The following TMEM40 variants were observed in gnomAD, a reference collection of about 807,000 sequenced individuals.
TMEM40 encodes the protein transmembrane protein 40.
In TMEM40, 34 loss-of-function variants were observed where a neutral mutation model predicts 40.8. The ratio of observed to expected loss-of-function variants is 0.83; its 90% confidence interval spans 0.63 to 1.11. The LOEUF (loss-of-function observed/expected upper bound fraction) is 1.11, where lower values mean the gene tolerates loss of function less well. Ranked by LOEUF, TMEM40 falls within the 50% of genes least tolerant of loss-of-function variation. The pLI is 0.00. For synonymous variants in TMEM40, 106 were observed against 107.0 expected (o/e 0.99, Z 0.06); for missense variants, 296 against 280.2 (o/e 1.06, Z -0.40).
chr3:12,743,452 A>C (rs1257065366), intron 4 of TMEM40, among the ~76,000 whole-genome samples: 2 of 152,196 alleles, frequency 1.3e-5, no homozygotes, highest in Non-Finnish European at 2.9e-5. Flanking sequence ...GGGCAACAAG[A>C]GCGAAACCCT....
upstream of TMEM40, among the ~76,000 whole-genome samples, chr3:12,763,357 G>A (rs1055863676): frequency 7.9e-5 from 12 of 152,054 alleles, no homozygotes; most frequent in African/African-American, 1.9e-4. Context: ...ACCTCAGGGC[G>A]TTTCCTACCT....
intron 4 of TMEM40, among the ~76,000 whole-genome samples, chr3:12,743,372 C>T (rs2061397997): frequency 6.6e-6 from 1 of 152,024 alleles, no homozygotes; most frequent in Non-Finnish European, 1.5e-5. Flanking sequence ...GAGGCTGAAG[C>T]GGGAGAATCA....
At chr3:12,748,556 G>A in intron 3 of TMEM40, 99 bp downstream of exon 3, 1 of 1,476,558 alleles carries the variant, frequency 6.8e-7, no homozygotes, top group African/African-American at 1.4e-5. Flanking sequence ...AAACGGTATT[G>A]GAGTTTCAAG....
chr3:12,737,161 T>TG (rs1221415012), intron 8 of TMEM40, among the ~76,000 whole-genome samples: 1 of 151,428 alleles, frequency 6.6e-6, no homozygotes, highest in Non-Finnish European at 1.5e-5. Context: ...ATTACAGCTG[T>TG]GAGCCACCAT....
Position 12,749,904 on chromosome 3 carries a change from C to T in TMEM40, c.-8-64G>A, listed in dbSNP as rs556474623. ...AGTTAATATCTTAATATACAAAGAG[C>T]TTGGCAAATAAATAAGAAAAAGACA... On this transcript the variant is annotated intron_variant, in intron 1 of 11. Transcript: ENST00000314124. The T allele has an allele frequency of 2.1e-6, 3 of 1,416,720 alleles. No individual in the cohort carries two copies. In the African/African-American group the frequency reaches 4.3e-5, roughly 20 times the overall value. 87.8% of individuals were successfully genotyped at this position (1,416,720 alleles called of 1,614,324 possible).
chr3:12,747,754 A>AC (rs970605257), intron 3 of TMEM40, among the ~76,000 whole-genome samples: 6 of 151,930 alleles, frequency 3.9e-5, no homozygotes, highest in Admixed American at 6.6e-5. Context: ...TACTAAAAAT[A>AC]CAAAAATTTG....
At chr3:12,757,408 G>C (rs1239081719) in intron 1 of TMEM40, among the ~76,000 whole-genome samples, 2 of 151,228 alleles carry the variant, frequency 1.3e-5, no homozygotes, top group African/African-American at 4.9e-5. Context: ...GGCAGAGGTT[G>C]TGGTGAGCTG....
At chr3:12,737,866 G>T in intron 7 of TMEM40, 112 bp from the exon 8 acceptor site, 1 of 1,163,886 alleles carries the variant, frequency 8.6e-7, no homozygotes, top group Non-Finnish European at 1.3e-6. Context: ...TCCTGGGTCA[G>T]AGGGCACTCA....
chr3:12,734,855 C>T, intron 11 of TMEM40, 62 bp from the exon 12 acceptor site: 1 of 1,560,532 alleles, frequency 6.4e-7, no homozygotes, highest in Non-Finnish European at 8.7e-7. Flanking sequence ...TCATCCCCAC[C>T]ATCACCTCAG....
At chr3:12,742,302 C>T (rs906631788) in intron 5 of TMEM40, 152 bp downstream of exon 5, 5 of 776,704 alleles carry the variant, frequency 6.4e-6, no homozygotes, top group Non-Finnish European at 1.0e-5. Flanking sequence ...TCCCCACCTG[C>T]CAATGTTATA....
intron 1 of TMEM40, among the ~76,000 whole-genome samples, chr3:12,754,009 A>T (rs1456246610): frequency 6.6e-6 from 1 of 152,208 alleles, no homozygotes; most frequent in Non-Finnish European, 1.5e-5. Flanking sequence ...CGTATTTTAC[A>T]GAAGAGGAAA....
At chr3:12,753,211 C>CTTTTTTTTTTTTTTTTTTTTTT (rs56739791) in intron 1 of TMEM40, among the ~76,000 whole-genome samples, 39 of 76,264 alleles carry the variant, frequency 5.1e-4, no homozygotes, top group Non-Finnish European at 7.0e-4. Context: ...TTCTTTCTTT[C>CTTTTTTTTTTTTTTTTTTTTTT]TTTTTTTTTT....
intron 4 of TMEM40, 35 bp downstream of exon 4, chr3:12,743,865 T>C (rs375748428): frequency 1.0e-4 from 159 of 1,596,632 alleles, no homozygotes; most frequent in Admixed American, 4.5e-4. Flanking sequence ...GGTGAGCGAG[T>C]GGGCAAAAGA....
rs542507968 is a variant in TMEM40, at chr3:12,735,628, G to A, written c.620-11C>T. The stretch of plus-strand genomic sequence containing the variant: ...TGTGGATACGGTACACTGCTCAGAA[G>A]CAAAGAAAAAAGTAAGTTAAGTTTG... On this transcript the variant is annotated splice_polypyrimidine_tract_variant and intron_variant, in intron 10 of 11. Transcript: ENST00000314124. 1.2e-6 allele frequency: 2 copies of A among 1,607,520 alleles called. No individual in the cohort carries two copies. Among genetic ancestry groups the A allele is most frequent in the African/African-American group, 1.3e-5 (1 of 74,440 alleles).
At position 12,745,747 on chromosome 3, in the gene TMEM40, C is replaced by T. The variant is rs185965607; in HGVS notation, c.212-1758G>A. On this transcript the variant is annotated intron_variant, in intron 3 of 11. Transcript: ENST00000314124. ...TACAGGCGTGAGCCACTGTGCCCAG[C>T]CTAATACAAGTTTTTAAATAAAAGG... Among the ~76,000 whole-genome samples, 3 of 152,118 alleles carry T rather than the reference C, an allele frequency of 2.0e-5. No individual in the cohort carries two copies. The East Asian group carries it at 5.8e-4, about 29-fold the overall frequency.
At chr3:12,761,824 T>C (rs538223648), upstream of TMEM40, among the ~76,000 whole-genome samples, 14 of 152,164 alleles carry the variant, frequency 9.2e-5, no homozygotes, top group South Asian at 2.1e-4. Context: ...CTGGTCAGGA[T>C]TGAAATGTGC....
At chr3:12,738,410 G>A (rs2061354177) in intron 6 of TMEM40, 143 bp downstream of exon 6, 1 of 1,050,852 alleles carries the variant, frequency 9.5e-7, no homozygotes, top group Non-Finnish European at 1.4e-6. Flanking sequence ...CCTGCTTGAT[G>A]AGCCTAGGCT....
chr3:12,766,564 C>T (rs1246052620), intron 1 of TMEM40, among the ~76,000 whole-genome samples: 1 of 148,562 alleles, frequency 6.7e-6, no homozygotes, highest in Admixed American at 6.7e-5. Context: ...CACTGCACTC[C>T]AGCCTGGGCG....
At position 12,748,704 on chromosome 3, in the gene TMEM40, G is replaced by A. The variant is rs139413903; in HGVS notation, c.162C>T (p.Ser54=). The change falls in exon 3 of 12, where the codon TCC becomes TCT. Residue 54 remains serine (S), a synonymous_variant. Transcript: ENST00000314124. ...QYERNKSSSS[S]SSSSSSSSSS... ...ATGAGGAGGATGAGGAGGAAGAGGA[G>A]GAGGAGGAAGAAGACTTGTTTCTCT... 4.0e-5 allele frequency: 65 copies of A among 1,613,696 alleles called. No individual in the cohort carries two copies. Among genetic ancestry groups the A allele is most frequent in the Non-Finnish European group, 5.4e-5 (64 of 1,179,864 alleles).
Sources: gnomAD v4.1 joint callset for allele counts (sites outside exome capture counted in the v4.1 genomes callset) on GRCh38, gnomAD v4.1.1 for gene constraint, MANE v1.5 for transcripts, NCBI Gene and HGNC (gene_info 2026-07-23, HGNC 2026-07-21) for gene names.